Variants in SAMD14 observed in about 807,000 individuals in gnomAD.
The protein encoded by SAMD14 is sterile alpha motif domain containing 14.
Under a neutral mutation model 46.2 loss-of-function variants are expected in SAMD14, and 27 were observed. That is an observed-to-expected ratio of 0.58 (90% CI 0.43 to 0.81). The LOEUF (loss-of-function observed/expected upper bound fraction) is 0.81, where lower values mean the gene tolerates loss of function less well. Ranked by LOEUF, SAMD14 falls within the 30% of genes least tolerant of loss-of-function variation. SAMD14 has a pLI of 0.00. For synonymous variants in SAMD14, 241 were observed against 254.3 expected (o/e 0.95, Z 0.50); for missense variants, 559 against 582.2 (o/e 0.96, Z 0.41).
Position 50,114,168 on chromosome 17 carries a change from C to T in SAMD14, c.942+19G>A. ...CAGAGGTCAGGACTCCGTGGGCACC[C>T]TGGGCCAGCCTTGCTCACCTCATCT... is the stretch of plus-strand genomic sequence containing the variant. On this transcript the variant is annotated intron_variant, in intron 8 of 9. Coordinates refer to ENST00000330175, the MANE Select transcript of SAMD14 (RefSeq NM_001257359.2). 1 of 1,614,100 alleles carries T rather than the reference C, an allele frequency of 6.2e-7. No individual in the cohort carries two copies. The highest frequency in any genetic ancestry group is 8.5e-7 in the Non-Finnish European group (1 of 1,180,028).
chr17:50,123,993 A>C (rs1346826423), intron 2 of SAMD14: 1 of 434,110 alleles, frequency 2.3e-6, no homozygotes, highest in African/African-American at 2.0e-5. Flanking sequence ...AGTTCCTGGC[A>C]TGACCAGGGG....
chr17:50,125,105 T>G (rs1345494914), intron 1 of SAMD14, 134 bp from the exon 2 acceptor site: 1 of 748,780 alleles, frequency 1.3e-6, no homozygotes, highest in Non-Finnish European at 2.2e-6. Flanking sequence ...GAACCCTTCT[T>G]CTGTCCCCTG....
At chr17:50,121,640 C>T (rs1911505906) in intron 2 of SAMD14, among the ~76,000 whole-genome samples, 1 of 152,140 alleles carries the variant, frequency 6.6e-6, no homozygotes, top group South Asian at 2.1e-4. Flanking sequence ...CTGACCATGT[C>T]CCATACTCTC....
intron 1 of SAMD14, among the ~76,000 whole-genome samples, chr17:50,128,482 T>TCTCACACACACACACA (rs550871572): frequency 2.2e-5 from 3 of 135,798 alleles, no homozygotes; most frequent in Admixed American, 7.2e-5. Flanking sequence ...GCACACTCTC[T>TCTCACACACACACACA]CACACACACA....
chr17:50,118,434 G>A (rs1048156126), intron 2 of SAMD14, 107 bp from the exon 3 acceptor site: 5 of 1,297,470 alleles, frequency 3.9e-6, no homozygotes, highest in East Asian at 2.4e-5. Flanking sequence ...CATTCAACCC[G>A]TGTTCTTGAG....
At position 50,114,295 on chromosome 17, in the gene SAMD14, C is replaced by T. The variant is rs928935692; in HGVS notation, c.834G>A (p.Leu278=). 6.2e-7 allele frequency: 1 copy of T among 1,613,930 alleles called. No homozygotes were observed. Among genetic ancestry groups the T allele is most frequent in the African/African-American group, 1.3e-5 (1 of 74,900 alleles). Reference sequence around the variant, plus strand: ...TGCTGGGGGGCGTGGAGTCATCACTCAGAGTGGATTCCTAGACAGAAAAAG... The same window carrying T: ...TGCTGGGGGGCGTGGAGTCATCACTTAGAGTGGATTCCTAGACAGAAAAAG... ...PKKSASQEST[L]SDDSTPPSSS... is the part of the protein sequence containing the mutation. The change falls in exon 8 of 10, where the codon CTG becomes CTA. Residue 278 remains leucine, a synonymous_variant. Coordinates refer to ENST00000330175, the MANE Select transcript of SAMD14 (RefSeq NM_001257359.2).
Position 50,124,954 on chromosome 17 carries a change from A to C in SAMD14, c.6T>G (p.Ala2=). The stretch of plus-strand genomic sequence containing the variant: ...CCACGGGTTCTCGGAGCTTTGAAGA[A>C]GCCATGACTCAAGAGAGCTGGGAAG... M[A]SSKLREPVDE... The change falls in exon 2 of 10, where the codon GCT becomes GCG. Residue 2 remains alanine, a synonymous_variant. Coordinates refer to ENST00000330175, the MANE Select transcript of SAMD14 (RefSeq NM_001257359.2). The C allele has an allele frequency of 6.2e-7, 1 of 1,614,148 alleles. No homozygotes were observed. The highest frequency in any genetic ancestry group is 8.5e-7 in the Non-Finnish European group (1 of 1,179,996).
At chr17:50,120,071 C>T (rs1382574072) in intron 2 of SAMD14, among the ~76,000 whole-genome samples, 2 of 152,106 alleles carry the variant, frequency 1.3e-5, no homozygotes, top group Non-Finnish European at 2.9e-5. Flanking sequence ...GACTAGGTTC[C>T]ACATAATCCA....
chr17:50,123,231 A>T (rs1049786843), intron 2 of SAMD14, among the ~76,000 whole-genome samples: 12 of 152,256 alleles, frequency 7.9e-5, no homozygotes, highest in Non-Finnish European at 1.8e-4. Flanking sequence ...GGTTACAGAC[A>T]GACGGTCTAG....
At chr17:50,123,711 G>A in intron 2 of SAMD14, 1 of 205,798 alleles carries the variant, frequency 4.9e-6, no homozygotes, top group East Asian at 1.2e-4. Context: ...CCAGCCCTGG[G>A]CAGTGGGAAT....
At chr17:50,125,569 C>T (rs1911728504) in intron 1 of SAMD14, among the ~76,000 whole-genome samples, 1 of 152,154 alleles carries the variant, frequency 6.6e-6, no homozygotes, top group African/African-American at 2.4e-5. Flanking sequence ...CATCTATCCA[C>T]CCATCCGTCC....
At chr17:50,119,344 A>G (rs749894785) in intron 2 of SAMD14, among the ~76,000 whole-genome samples, 15 of 152,140 alleles carry the variant, frequency 9.9e-5, no homozygotes, top group Non-Finnish European at 2.1e-4. Flanking sequence ...GTCTCCAAAC[A>G]GAAAGAGTCT....
rs776335242 is a variant in SAMD14 at position 50,115,552 on chromosome 17, G to A, written c.822+12C>T. On this transcript the variant is annotated intron_variant, in intron 7 of 9. Coordinates refer to ENST00000330175, the MANE Select transcript of SAMD14 (RefSeq NM_001257359.2). The surrounding 1 kb of genome is among the most constrained non-coding windows in gnomAD (Gnocchi z 5.3). Reference sequence around the variant, plus strand: ...GGGGGCCAGTTTGGGGACAAGAAAGGCATGGACTTACCTGGGAAGCTGACT... The same window carrying A: ...GGGGGCCAGTTTGGGGACAAGAAAGACATGGACTTACCTGGGAAGCTGACT... 5.9e-6 allele frequency: 9 copies of A among 1,525,602 alleles called. No homozygotes were observed. The South Asian group carries it at 1.2e-4, about 20-fold the overall frequency. The allele number at this position is 1,525,602 out of a possible 1,614,324, so 94.5% of individuals were successfully genotyped here. A position where few individuals can be genotyped will look rare whatever the true frequency, so the allele number is the denominator to read the frequency against.
Position 50,111,301 on chromosome 17 carries a change from G to C in SAMD14, c.*1592C>G, listed in dbSNP as rs1353542018. The C allele has an allele frequency of 6.6e-6, 1 of 152,292 alleles. No individual in the cohort carries two copies. Among genetic ancestry groups the C allele is most frequent in the African/African-American group, 2.4e-5 (1 of 41,452 alleles). 9.4% of individuals were successfully genotyped at this position (152,292 alleles called of 1,614,324 possible). A position where few individuals can be genotyped will look rare whatever the true frequency, so the allele number is the denominator to read the frequency against. On this transcript the variant is annotated 3_prime_UTR_variant, in exon 10 of 10. Transcript: ENST00000330175. ...TCCGGCCAACCCAACAACTGGAGCA[G>C]ACAGAAATTCTGGTCACTGGCACAT... is the stretch of plus-strand genomic sequence containing the variant.
chr17:50,110,270 G>A lies in SAMD14; in HGVS notation c.*2623C>T. 1.6e-6 allele frequency: 1 copy of A among 622,340 alleles called. No homozygotes were observed. Among genetic ancestry groups the A allele is most frequent in the Non-Finnish European group, 2.5e-6 (1 of 397,164 alleles). 38.6% of individuals were successfully genotyped at this position (622,340 alleles called of 1,614,324 possible). On this transcript the variant is annotated 3_prime_UTR_variant, in exon 10 of 10. Coordinates refer to ENST00000330175, the MANE Select transcript of SAMD14 (RefSeq NM_001257359.2). ...GGTCTGTGATGGTCCCTAAGTGCCA[G>A]TCCATCTCTGTGGAGACCCCTCGGT...
chr17:50,112,705 C>T lies in SAMD14; in HGVS notation c.*188G>A, dbSNP rs1910918142. On this transcript the variant is annotated 3_prime_UTR_variant, in exon 10 of 10. Coordinates refer to ENST00000330175, the MANE Select transcript of SAMD14 (RefSeq NM_001257359.2). ...TAGGATTTATTACTAGGCCCTCTCC[C>T]TGGGGTCTCCCTTTCTGGGGTCTCT... The T allele has an allele frequency of 4.8e-6, 3 of 623,610 alleles. No homozygotes were observed. 38.6% of individuals were successfully genotyped at this position (623,610 alleles called of 1,614,324 possible).
At position 50,125,364 on chromosome 17, in the gene SAMD14, G is replaced by A. The variant is rs1237191252; in HGVS notation, c.-12-393C>T. ...ATCATCAACTGTCCAATCAAATCTG[G>A]GAGAAGTCATGGAGATTATTAAATC... On this transcript the variant is annotated intron_variant, in intron 1 of 9. Transcript: ENST00000330175. 4 of 191,986 alleles carry A rather than the reference G, an allele frequency of 2.1e-5. No individual in the cohort carries two copies. In the East Asian group the frequency reaches 4.0e-4, roughly 19 times the overall value. 11.9% of individuals were successfully genotyped at this position (191,986 alleles called of 1,614,324 possible).
At chr17:50,119,542 C>T (rs550862762) in intron 2 of SAMD14, among the ~76,000 whole-genome samples, 12 of 152,240 alleles carry the variant, frequency 7.9e-5, no homozygotes, top group Middle Eastern at 3.4e-3. Context: ...AGCCTTGACA[C>T]CCTCCCCTGA....
At chr17:50,116,151 G>A in intron 4 of SAMD14, 61 bp from the exon 5 acceptor site, 1 of 1,558,874 alleles carries the variant, frequency 6.4e-7, no homozygotes, top group Non-Finnish European at 8.7e-7. Context: ...TCCTTCGGCT[G>A]CCAGTGTGGG....
Sources: allele counts gnomAD v4.1 joint callset (sites outside exome capture counted in the v4.1 genomes callset), GRCh38; gene constraint gnomAD v4.1.1; non-coding constraint Gnocchi (gnomAD v3.1); transcripts MANE v1.5; gene names NCBI Gene and HGNC (gene_info 2026-07-23, HGNC 2026-07-21).